SLC2A13: variants seen among roughly 807,000 people sequenced by gnomAD.
SLC2A13 encodes the protein proton myo-inositol cotransporter.
Under a neutral mutation model 64.4 loss-of-function variants are expected in SLC2A13, and 32 were observed. That is an observed-to-expected ratio of 0.50 (90% CI 0.37 to 0.67). The LOEUF (loss-of-function observed/expected upper bound fraction) is 0.67. Among genes scored for constraint, SLC2A13 ranks in the 30% least tolerant of loss-of-function variants. SLC2A13 has a pLI of 0.00. For missense variants in SLC2A13, 743 were observed against 829.2 expected (o/e 0.90, Z 1.28); for synonymous variants, 338 against 327.1 (o/e 1.03, Z -0.36).
At chr12:39,811,071 C>A (rs996651561) in intron 7 of SLC2A13, among the ~76,000 whole-genome samples, 1 of 151,980 alleles carries the variant, frequency 6.6e-6, no homozygotes, top group East Asian at 1.9e-4. Context: ...ATTTTTAATA[C>A]AAATTTGATT....
At chr12:39,892,137 G>A (rs1200066684) in intron 4 of SLC2A13, among the ~76,000 whole-genome samples, 1 of 152,128 alleles carries the variant, frequency 6.6e-6, no homozygotes, top group African/African-American at 2.4e-5. Flanking sequence ...GCTCCACATA[G>A]CATGCTACTT....
intron 2 of SLC2A13, among the ~76,000 whole-genome samples, chr12:40,035,078 C>T (rs1565599154): frequency 6.6e-6 from 1 of 152,160 alleles, no homozygotes; most frequent in Non-Finnish European, 1.5e-5. Context: ...ACACTGTGCC[C>T]TCAGTCTAAC....
intron 4 of SLC2A13, among the ~76,000 whole-genome samples, chr12:39,895,659 T>TATGTATATGCGTGTATACGTACAC (rs1565526105): frequency 6.9e-5 from 9 of 130,092 alleles, no homozygotes; most frequent in African/African-American, 2.1e-4. Context: ...CGTACACACA[T>TATGTATATGCGTGTATACGTACAC]ATGTATATGC....
intron 1 of SLC2A13, among the ~76,000 whole-genome samples, chr12:40,057,387 A>T (rs900665073): frequency 2.6e-5 from 4 of 152,126 alleles, no homozygotes; most frequent in African/African-American, 4.8e-5. Flanking sequence ...AAATTGATTT[A>T]AAAAAAATTT....
chr12:39,840,888 T>C (rs1184986747), intron 6 of SLC2A13, among the ~76,000 whole-genome samples: 2 of 152,158 alleles, frequency 1.3e-5, no homozygotes, highest in Non-Finnish European at 2.9e-5. Context: ...ATGAGATGAA[T>C]GAATGTCACT....
At chr12:40,033,796 C>T (rs1005893543) in intron 2 of SLC2A13, among the ~76,000 whole-genome samples, 3 of 152,010 alleles carry the variant, frequency 2.0e-5, no homozygotes, top group Non-Finnish European at 2.9e-5. Context: ...CAAAAATATT[C>T]GACTGCAAGA....
intron 4 of SLC2A13, among the ~76,000 whole-genome samples, chr12:39,947,161 T>C (rs1946149974): frequency 6.6e-6 from 1 of 152,196 alleles, no homozygotes; most frequent in South Asian, 2.1e-4. Flanking sequence ...AAGCTGGCAA[T>C]ATTACTCTGC....
At chr12:39,975,712 C>A (rs1946745609) in intron 3 of SLC2A13, among the ~76,000 whole-genome samples, 1 of 152,200 alleles carries the variant, frequency 6.6e-6, no homozygotes, top group Non-Finnish European at 1.5e-5. Context: ...GAATAGCTGT[C>A]CAAACTTCAG....
At chr12:40,011,134 G>C (rs980061084) in intron 3 of SLC2A13, among the ~76,000 whole-genome samples, 1 of 152,168 alleles carries the variant, frequency 6.6e-6, no homozygotes, top group Non-Finnish European at 1.5e-5. Flanking sequence ...CCGGTACCAA[G>C]AGTTGGAGAC....
intron 5 of SLC2A13, 118 bp from the exon 6 acceptor site, chr12:39,865,000 A>C: frequency 6.4e-6 from 6 of 931,370 alleles, no homozygotes; most frequent in Non-Finnish European, 9.3e-6. Context: ...TGAAAAAAAA[A>C]TACCGTGCTC....
At chr12:39,859,221 T>A (rs911039673) in intron 6 of SLC2A13, among the ~76,000 whole-genome samples, 2 of 150,240 alleles carry the variant, frequency 1.3e-5, no homozygotes, top group Non-Finnish European at 3.0e-5. Context: ...AGAACCACAT[T>A]GATCATATTC....
chr12:39,920,997 C>CAGACA (rs1191343210), intron 4 of SLC2A13, among the ~76,000 whole-genome samples: 4 of 152,030 alleles, frequency 2.6e-5, no homozygotes, highest in Non-Finnish European at 4.4e-5. Context: ...ATTTGGCAAA[C>CAGACA]AGACAAAGAG....
chr12:40,079,855 T>C (rs1219591317), intron 1 of SLC2A13, among the ~76,000 whole-genome samples: 3 of 152,168 alleles, frequency 2.0e-5, no homozygotes, highest in Non-Finnish European at 4.4e-5. Flanking sequence ...TTATGTAATG[T>C]CCTTCTTTGT....
At chr12:39,933,679 A>T (rs931348177) in intron 4 of SLC2A13, among the ~76,000 whole-genome samples, 2 of 152,232 alleles carry the variant, frequency 1.3e-5, no homozygotes, top group Admixed American at 6.5e-5. Flanking sequence ...TTCAGGAACC[A>T]TAGCTTTAGT....
At chr12:39,946,318 C>T (rs1946132191) in intron 4 of SLC2A13, among the ~76,000 whole-genome samples, 1 of 152,180 alleles carries the variant, frequency 6.6e-6, no homozygotes, top group South Asian at 2.1e-4. Flanking sequence ...GTTTAACGCT[C>T]TATTTTTGTG....
chr12:40,036,552 G>A (rs964215492), intron 2 of SLC2A13, among the ~76,000 whole-genome samples: 3 of 152,138 alleles, frequency 2.0e-5, no homozygotes, highest in Non-Finnish European at 4.4e-5. Flanking sequence ...ATGGAATCAT[G>A]GGGAATGTAC....
chr12:39,890,550 AATCT>A (rs1423383618), intron 4 of SLC2A13, among the ~76,000 whole-genome samples: 1 of 152,172 alleles, frequency 6.6e-6, no homozygotes, highest in Non-Finnish European at 1.5e-5. Flanking sequence ...GGCAGAAGTA[AATCT>A]ATCTGACCTC....
At chr12:40,029,145 C>T (rs1277068158) in intron 2 of SLC2A13, among the ~76,000 whole-genome samples, 1 of 152,086 alleles carries the variant, frequency 6.6e-6, no homozygotes, top group African/African-American at 2.4e-5. Context: ...ACTGTTATCT[C>T]TTTAAATATC....
intron 4 of SLC2A13, among the ~76,000 whole-genome samples, chr12:39,929,349 G>C (rs1383434493): frequency 6.6e-6 from 1 of 151,922 alleles, no homozygotes; most frequent in Non-Finnish European, 1.5e-5. Flanking sequence ...TCAGGAGTTC[G>C]AGACTAGCCT....
Sources: allele counts gnomAD v4.1 joint callset (sites outside exome capture counted in the v4.1 genomes callset), GRCh38; gene constraint gnomAD v4.1.1; transcripts MANE v1.5; gene names NCBI Gene and HGNC (gene_info 2026-07-23, HGNC 2026-07-21).